The following PEMT variants were observed in gnomAD, a reference collection of about 807,000 sequenced individuals.
The protein encoded by PEMT is phosphatidylethanolamine N-methyltransferase.
Under a neutral mutation model 27.4 loss-of-function variants are expected in PEMT, and 23 were observed. The observed-to-expected ratio is 0.84, with a 90% CI of 0.60 to 1.19. The LOEUF (loss-of-function observed/expected upper bound fraction) is 1.19. Ranked by LOEUF, PEMT falls within the 50% of genes most tolerant of loss-of-function variation. The pLI is 0.00. For missense variants in PEMT, 307 were observed against 310.1 expected (o/e 0.99, Z 0.07); for synonymous variants, 137 against 139.1 (o/e 0.98, Z 0.11).
chr17:17,562,922 C>A (rs959148344), intron 2 of PEMT, among the ~76,000 whole-genome samples: 5 of 152,052 alleles, frequency 3.3e-5, no homozygotes, highest in African/African-American at 9.7e-5. Context: ...GCATGTCCCA[C>A]GTCCCCACCC....
At chr17:17,528,158 G>A (rs943383302) in intron 2 of PEMT, among the ~76,000 whole-genome samples, 22 of 152,342 alleles carry the variant, frequency 1.4e-4, no homozygotes, top group African/African-American at 4.3e-4. Context: ...TGGGCCGTGC[G>A]CCAGCACAGA....
upstream of PEMT, chr17:17,591,991 G>A (rs555111203): frequency 2.0e-6 from 2 of 985,402 alleles, no homozygotes; most frequent in African/African-American, 1.7e-5. Flanking sequence ...CTTGCCTGGC[G>A]GCGGTGGGGC....
At chr17:17,506,023 G>C (rs925576038) in intron 6 of PEMT, among the ~76,000 whole-genome samples, 175 bp from the exon 7 acceptor site, 5 of 152,324 alleles carry the variant, frequency 3.3e-5, no homozygotes, top group Admixed American at 2.0e-4. Context: ...AGGCGGGAGA[G>C]GGGAGGGGAG....
intron 2 of PEMT, among the ~76,000 whole-genome samples, chr17:17,539,782 G>C (rs1908751615): frequency 6.6e-6 from 1 of 152,226 alleles, no homozygotes; most frequent in Non-Finnish European, 1.5e-5. Flanking sequence ...AAGTATCAAG[G>C]CATCCGGCCT....
intron 5 of PEMT, 170 bp from the exon 6 acceptor site, chr17:17,506,471 G>A (rs1215804608): frequency 1.8e-6 from 1 of 569,958 alleles, no homozygotes; most frequent in African/African-American, 1.9e-5. Context: ...TCTGGCTTTT[G>A]TGCCAGGACC....
chr17:17,561,929 G>A lies in PEMT; in HGVS notation c.204+14991C>T, dbSNP rs1195176916. Among the ~76,000 whole-genome samples, 3 of 152,232 alleles carry A rather than the reference G, an allele frequency of 2.0e-5. No homozygotes were observed. Among genetic ancestry groups the A allele is most frequent in the African/African-American group, 2.4e-5 (1 of 41,478 alleles). On this transcript the variant is annotated intron_variant, in intron 2 of 6. Coordinates refer to ENST00000255389, the MANE Select transcript of PEMT (RefSeq NM_148172.3). The surrounding 1 kb of genome is among the most constrained non-coding windows in gnomAD (Gnocchi z 4.5). ...AGCAGCCGGGAAGCTGGGCTGTTGCGAAGTTGGCGCAGGGCATGTGAGGGC... is the reference window on the plus strand; with the variant it reads ...AGCAGCCGGGAAGCTGGGCTGTTGCAAAGTTGGCGCAGGGCATGTGAGGGC...
intron 2 of PEMT, among the ~76,000 whole-genome samples, chr17:17,569,700 CTA>C (rs1911058656): frequency 6.6e-6 from 1 of 152,162 alleles, no homozygotes; most frequent in Admixed American, 6.5e-5. Context: ...TTCCAACTTG[CTA>C]TGTCTCCAGC....
At chr17:17,574,588 T>C (rs1911454006) in intron 2 of PEMT, among the ~76,000 whole-genome samples, 1 of 152,210 alleles carries the variant, frequency 6.6e-6, no homozygotes, top group Admixed American at 6.5e-5. Flanking sequence ...CCCAAAGTGC[T>C]GGGATTACAG....
intron 2 of PEMT, among the ~76,000 whole-genome samples, chr17:17,571,349 A>AGT (rs750304105): frequency 2.6e-5 from 4 of 152,154 alleles, no homozygotes; most frequent in Non-Finnish European, 5.9e-5. Flanking sequence ...GAGGGTCCGC[A>AGT]GTGTGAACTC....
intron 2 of PEMT, among the ~76,000 whole-genome samples, chr17:17,572,858 G>A (rs953069864): frequency 2.0e-5 from 3 of 152,164 alleles, no homozygotes; most frequent in Non-Finnish European, 4.4e-5. Flanking sequence ...CATGAGTCCC[G>A]CCACCACCAG....
intron 1 of PEMT, among the ~76,000 whole-genome samples, chr17:17,579,538 C>T (rs141398226): frequency 4.1e-4 from 63 of 152,218 alleles, no homozygotes; most frequent in African/African-American, 1.4e-3. Flanking sequence ...ATTAGCTGGG[C>T]GTGGTGGTGC....
intron 1 of PEMT, among the ~76,000 whole-genome samples, chr17:17,585,359 A>C (rs945665623): frequency 6.6e-6 from 1 of 152,084 alleles, no homozygotes; most frequent in Non-Finnish European, 1.5e-5. Context: ...ACAACAACAA[A>C]AAGAAGTGAG....
chr17:17,561,718 T>C lies in PEMT; in HGVS notation c.204+15202A>G, dbSNP rs557147201. On this transcript the variant is annotated intron_variant, in intron 2 of 6. Coordinates refer to ENST00000255389, the MANE Select transcript of PEMT (RefSeq NM_148172.3). The surrounding 1 kb of genome is among the most constrained non-coding windows in gnomAD (Gnocchi z 4.5). Reference sequence around the variant, plus strand: ...TCAAAGGCAGGACAGACCTGTGTGCTGAGAGGCCCAGAGATATGAGGGGGG... The same window carrying C: ...TCAAAGGCAGGACAGACCTGTGTGCCGAGAGGCCCAGAGATATGAGGGGGG... 6.6e-6 allele frequency among the ~76,000 whole-genome samples: 1 copy of C among 152,128 alleles called. No individual in the cohort carries two copies. The highest frequency in any genetic ancestry group is 2.4e-5 in the African/African-American group (1 of 41,438).
At chr17:17,590,497 T>A (rs1406880266) in intron 1 of PEMT, among the ~76,000 whole-genome samples, 1 of 151,570 alleles carries the variant, frequency 6.6e-6, no homozygotes, top group African/African-American at 2.4e-5. Context: ...CTAACTGGTA[T>A]TAGCTCCTTC....
intron 2 of PEMT, among the ~76,000 whole-genome samples, chr17:17,527,186 C>T (rs1180858565): frequency 3.9e-5 from 6 of 152,106 alleles, no homozygotes; most frequent in Non-Finnish European, 7.4e-5. Flanking sequence ...TACACGCATG[C>T]GCCACCATGC....
chr17:17,507,177 C>A (rs755251667), intron 5 of PEMT: 1 of 1,560,674 alleles, frequency 6.4e-7, no homozygotes, highest in South Asian at 1.2e-5. Context: ...ACCTCTGATC[C>A]CACAGCTCCC....
intron 2 of PEMT, among the ~76,000 whole-genome samples, chr17:17,540,650 C>G (rs560596613): frequency 6.6e-6 from 1 of 152,294 alleles, no homozygotes; most frequent in East Asian, 1.9e-4. Flanking sequence ...GGCTCCGCCC[C>G]TCCCCATGCT....
At chr17:17,586,315 G>A (rs550730145) in intron 1 of PEMT, among the ~76,000 whole-genome samples, 173 of 148,270 alleles carry the variant, frequency 1.2e-3, no homozygotes, top group Admixed American at 2.4e-3. Context: ...GTGGAAAATC[G>A]GGAGGACGCA....
intron 5 of PEMT, chr17:17,508,302 G>A (rs1226197777): frequency 6.5e-6 from 1 of 154,000 alleles, no homozygotes; most frequent in Non-Finnish European, 1.4e-5. Flanking sequence ...GGCCTTAGCA[G>A]GCAGAGGGAC....
Sources: gnomAD v4.1 joint callset for allele counts (sites outside exome capture counted in the v4.1 genomes callset) on GRCh38, gnomAD v4.1.1 for gene constraint, Gnocchi (gnomAD v3.1) non-coding constraint, MANE v1.5 for transcripts, NCBI Gene and HGNC (gene_info 2026-07-23, HGNC 2026-07-21) for gene names.